Variants in HIBCH observed in about 807,000 individuals in gnomAD.
HIBCH encodes the protein 3-hydroxyisobutyryl-CoA hydrolase, mitochondrial.
Under a neutral mutation model 58.2 loss-of-function variants are expected in HIBCH, and 50 were observed. The ratio of observed to expected loss-of-function variants is 0.86; its 90% CI spans 0.68 to 1.09. The LOEUF is 1.09. HIBCH is among the 50% of genes least tolerant of loss of function. HIBCH has a pLI of 0.00. For synonymous variants in HIBCH, 151 were observed against 146.9 expected (o/e 1.03, Z -0.20); for missense variants, 450 against 449.7 (o/e 1.00, Z -0.01).
chr2:190,233,895 C>T (rs527626385), intron 11 of HIBCH, among the ~76,000 whole-genome samples: 6 of 152,252 alleles, frequency 3.9e-5, no homozygotes, highest in African/African-American at 1.2e-4. Flanking sequence ...TGGTGGGTCA[C>T]GCCTGTAATC....
At chr2:190,228,644 T>C (rs891375292) in intron 11 of HIBCH, among the ~76,000 whole-genome samples, 3 of 152,150 alleles carry the variant, frequency 2.0e-5, no homozygotes, top group African/African-American at 7.2e-5. Context: ...TGTGTATTGA[T>C]ATAATTTTGT....
chr2:190,207,662 CATA>C lies in HIBCH; in HGVS notation c.1045+1215_1045+1217del, dbSNP rs375379443. On this transcript the variant is annotated intron_variant, in intron 13 of 13. Coordinates refer to ENST00000359678, the MANE Select transcript of HIBCH (RefSeq NM_014362.4). The surrounding 1 kb of genome is among the most constrained non-coding windows in gnomAD (Gnocchi z 4.5). ...TTGGGAGTCCAAGGCAGCCAGATCA[CATA>C]ATATCAGGAGTTCAAGACCAGCCTG... Among the ~76,000 whole-genome samples the C allele has an allele frequency of 3.2e-4, 49 of 152,170 alleles. No individual in the cohort carries two copies. Among genetic ancestry groups the C allele is most frequent in the African/African-American group, 1.2e-3 (49 of 41,450 alleles).
intron 1 of HIBCH, among the ~76,000 whole-genome samples, chr2:190,319,020 AAAG>A (rs1163404625): frequency 9.2e-5 from 14 of 152,110 alleles, no homozygotes; most frequent in Admixed American, 8.5e-4. Context: ...TCCTTATTTT[AAAG>A]AAATAAGGAC....
At chr2:190,237,276 A>C (rs955551183) in intron 11 of HIBCH, among the ~76,000 whole-genome samples, 1 of 152,180 alleles carries the variant, frequency 6.6e-6, no homozygotes, top group South Asian at 2.1e-4. Context: ...AAATACTTTT[A>C]TCTTTTCTAG....
intron 2 of HIBCH, among the ~76,000 whole-genome samples, chr2:190,303,018 G>C (rs143757755): frequency 1.3e-5 from 2 of 152,312 alleles, no homozygotes; most frequent in East Asian, 3.9e-4. Context: ...AAGTAATGGA[G>C]CCTGGCTCTC....
chr2:190,315,278 T>A lies in HIBCH; in HGVS notation c.35+4438A>T, dbSNP rs1321660586. 6.6e-6 allele frequency among the ~76,000 whole-genome samples: 1 copy of A among 152,192 alleles called. No homozygotes were observed. Among genetic ancestry groups the A allele is most frequent in the Non-Finnish European group, 1.5e-5 (1 of 68,036 alleles). On this transcript the variant is annotated intron_variant, in intron 1 of 13. Coordinates refer to ENST00000359678, the MANE Select transcript of HIBCH (RefSeq NM_014362.4). This position sits in a 1 kb window ranked among gnomAD's most constrained non-coding sequence, Gnocchi z 5.4. ...CTACTTCTAATTTCTTAATTAACTT[T>A]ATCAGGCTTATTTCCTTCAACTGAT...
intron 2 of HIBCH, among the ~76,000 whole-genome samples, chr2:190,309,959 G>A (rs1688516090): frequency 6.6e-6 from 1 of 152,158 alleles, no homozygotes; most frequent in East Asian, 1.9e-4. Context: ...TCAAGTCGGT[G>A]GACTGGGAGA....
At position 190,212,990 on chromosome 2, in the gene HIBCH, A is replaced by T; in HGVS notation, c.977T>A (p.Leu326Gln). 1 of 1,611,988 alleles carries T rather than the reference A, an allele frequency of 6.2e-7. No individual in the cohort carries two copies. The highest frequency in any genetic ancestry group is 8.5e-7 in the Non-Finnish European group (1 of 1,178,616). Residue 326 changes from leucine (L) to glutamine (Q), a missense_variant, in exon 12 of 14, where the codon CTA becomes CAA. Transcript: ENST00000359678. Reference sequence around the variant, plus strand: ...TTGACTTAGCCGATACTCCATAGTTAGTACTTCTTGCAAGGTCTTTGAAGA... The same window carrying T: ...TTGACTTAGCCGATACTCCATAGTTTGTACTTCTTGCAAGGTCTTTGAAGA... ...EGSSKTLQEV[L>Q]TMEYRLSQAC...
chr2:190,232,858 T>A (rs1445190506), intron 11 of HIBCH, among the ~76,000 whole-genome samples: 1 of 152,014 alleles, frequency 6.6e-6, no homozygotes, highest in Non-Finnish European at 1.5e-5. Context: ...CTCGGGAGGC[T>A]GAGGCAGGAG....
chr2:190,250,935 C>T (rs529592965), intron 8 of HIBCH, among the ~76,000 whole-genome samples: 4 of 152,220 alleles, frequency 2.6e-5, no homozygotes, highest in African/African-American at 9.6e-5. Flanking sequence ...CCAAAGAGGA[C>T]GTGTGAGAAT....
At chr2:190,232,367 C>G (rs1361667861) in intron 11 of HIBCH, among the ~76,000 whole-genome samples, 1 of 152,138 alleles carries the variant, frequency 6.6e-6, no homozygotes, top group Non-Finnish European at 1.5e-5. Flanking sequence ...CACCTACTTC[C>G]CTTTTGGCAG....
intron 7 of HIBCH, among the ~76,000 whole-genome samples, chr2:190,253,306 A>G (rs1686831632): frequency 6.6e-6 from 1 of 152,190 alleles, no homozygotes; most frequent in Non-Finnish European, 1.5e-5. Context: ...TAATTTATGT[A>G]TCTGTTCTAA....
At chr2:190,250,933 G>T (rs1005021451) in intron 8 of HIBCH, among the ~76,000 whole-genome samples, 2 of 152,160 alleles carry the variant, frequency 1.3e-5, no homozygotes, top group Admixed American at 6.5e-5. Context: ...GGCCAAAGAG[G>T]ACGTGTGAGA....
downstream of HIBCH, chr2:190,199,956 G>C (rs751883427): frequency 1.2e-6 from 2 of 1,614,142 alleles, no homozygotes; most frequent in Non-Finnish European, 1.7e-6. Flanking sequence ...TGCCAGAAGA[G>C]AGATGTCTAC....
In HIBCH at chr2:190,243,902, T is replaced by C. The variant is rs1252978611; in HGVS notation, c.891+985A>G. 6.6e-6 allele frequency among the ~76,000 whole-genome samples: 1 copy of C among 152,162 alleles called. No individual in the cohort carries two copies. Among genetic ancestry groups the C allele is most frequent in the Non-Finnish European group, 1.5e-5 (1 of 68,044 alleles). On this transcript the variant is annotated intron_variant, in intron 11 of 13. Coordinates refer to ENST00000359678, the MANE Select transcript of HIBCH (RefSeq NM_014362.4). This position sits in a 1 kb window ranked among gnomAD's most constrained non-coding sequence, Gnocchi z 4.1. ...TGAGGATTGCTTGAGCCTGGGAGGCTGAGGCTGCAGTGAGTTGTGATTGCA... is the reference window on the plus strand; with the variant it reads ...TGAGGATTGCTTGAGCCTGGGAGGCCGAGGCTGCAGTGAGTTGTGATTGCA...
Position 190,281,889 on chromosome 2 carries a change from C to A in HIBCH, c.438+5697G>T, listed in dbSNP as rs989069930. ...AGACATGGACACATCCAGCCAGGTTCTTTGTCACTTTATTACAAGGATGCT... is the reference window on the plus strand; with the variant it reads ...AGACATGGACACATCCAGCCAGGTTATTTGTCACTTTATTACAAGGATGCT... On this transcript the variant is annotated intron_variant, in intron 6 of 13. Transcript: ENST00000359678. This position sits in a 1 kb window ranked among gnomAD's most constrained non-coding sequence, Gnocchi z 5.4. Among the ~76,000 whole-genome samples the A allele has an allele frequency of 1.3e-4, 20 of 152,178 alleles. No individual in the cohort carries two copies. The highest frequency in any genetic ancestry group is 4.8e-4 in the African/African-American group (20 of 41,446).
chr2:190,292,109 AG>A (rs1415952767), intron 4 of HIBCH, among the ~76,000 whole-genome samples: 1 of 151,886 alleles, frequency 6.6e-6, no homozygotes, highest in African/African-American at 2.4e-5. Flanking sequence ...CAGCCTCCCA[AG>A]TAGTTGGGAT....
chr2:190,208,462 A>C (rs973703284), intron 13 of HIBCH, among the ~76,000 whole-genome samples: 1 of 152,212 alleles, frequency 6.6e-6, no homozygotes, highest in Non-Finnish European at 1.5e-5. Context: ...ATAAATTAGG[A>C]AACAGTGGCC....
chr2:190,244,735 TG>T, intron 11 of HIBCH, 151 bp downstream of exon 11: 1 of 731,302 alleles, frequency 1.4e-6, no homozygotes. Context: ...TTAGTGGAAC[TG>T]ATTTCTGAAG....
Sources: allele counts gnomAD v4.1 joint callset (sites outside exome capture counted in the v4.1 genomes callset), GRCh38; gene constraint gnomAD v4.1.1; non-coding constraint Gnocchi (gnomAD v3.1); transcripts MANE v1.5; gene names NCBI Gene and HGNC (gene_info 2026-07-23, HGNC 2026-07-21).